LEMD3: variants seen among roughly 807,000 people sequenced by gnomAD.
LEMD3 encodes inner nuclear membrane protein Man1.
Under a neutral mutation model 95.2 loss-of-function variants are expected in LEMD3, and 33 were observed. The ratio of observed to expected loss-of-function variants is 0.35; its 90% CI spans 0.26 to 0.46. The LOEUF (loss-of-function observed/expected upper bound fraction) is 0.46, where lower values mean the gene tolerates loss of function less well. LEMD3 is among the 20% of genes least tolerant of loss of function. The pLI is 1.00. For missense variants in LEMD3, 1,210 were observed against 1,192.8 expected, an observed-to-expected ratio of 1.01 and a Z score of -0.21; for synonymous variants, 525 against 474.6, an observed-to-expected ratio of 1.11 and a Z score of -1.38.
chr12:65,240,772 G>A, intron 8 of LEMD3, 137 bp from the exon 9 acceptor site: 1 of 723,504 alleles, frequency 1.4e-6, no homozygotes. Context: ...TGAGATATAG[G>A]CATCTAAATC....
At chr12:65,208,087 A>C (rs967107218) in intron 1 of LEMD3, among the ~76,000 whole-genome samples, 1 of 152,044 alleles carries the variant, frequency 6.6e-6, no homozygotes. Context: ...ACATTTAAGG[A>C]ATTTGATTTT....
chr12:65,231,105 T>C (rs1385986256), intron 4 of LEMD3, among the ~76,000 whole-genome samples: 1 of 152,226 alleles, frequency 6.6e-6, no homozygotes. Flanking sequence ...ATTAATTTAA[T>C]TTCATTCTTA....
In LEMD3 at chr12:65,238,694, G is replaced by T. The variant is rs1565799131; in HGVS notation, c.1801G>T (p.Glu601Ter). The T allele has an allele frequency of 6.2e-7, 1 of 1,614,036 alleles. No homozygotes were observed. Among genetic ancestry groups the T allele is most frequent in the South Asian group, 1.1e-5 (1 of 91,084 alleles). The change falls in exon 6 of 13, where the codon GAA (glutamate) becomes TAA (stop). Residue 601 changes from glutamate to a stop codon, truncating the protein, a stop_gained. Transcript: ENST00000308330. LOFTEE classifies it high-confidence loss of function. The stretch of plus-strand genomic sequence containing the variant: ...GTGTGTTGGTTTTGGCCCTGAGGAA[G>T]AATTGACAAATATAACTGATGTGCA... ...IRCVGFGPEE[E>*]LTNITDVQFL...
chr12:65,199,474 A>G (rs1869528684), intron 1 of LEMD3, among the ~76,000 whole-genome samples: 2 of 152,146 alleles, frequency 1.3e-5, no homozygotes, highest in African/African-American at 2.4e-5. Context: ...ATTTCTAGAC[A>G]CAAGATCTTA....
rs1323759912 is a variant in LEMD3, at chr12:65,248,083, A to G, written c.*1758A>G. The stretch of plus-strand genomic sequence containing the variant: ...CATTTTAAAAGGTCGCCTTTGATGC[A>G]GATGCATCTTTTTCTTGCTTCTAAA... On this transcript the variant is annotated 3_prime_UTR_variant, in exon 13 of 13. Transcript: ENST00000308330. The G allele has an allele frequency of 6.6e-6, 1 of 152,536 alleles. No homozygotes were observed. The highest frequency in any genetic ancestry group is 1.5e-5 in the Non-Finnish European group (1 of 67,992). 9.4% of individuals were successfully genotyped at this position (152,536 alleles called of 1,614,324 possible).
Position 65,170,461 on chromosome 12 carries a change from A to G in LEMD3, c.865A>G (p.Thr289Ala), listed in dbSNP as rs774384614. Residue 289 changes from threonine to alanine, a missense_variant, in exon 1 of 13, where the codon ACC becomes GCC. Physicochemically the swap from Thr to Ala is moderately conservative, Grantham distance 58. Around this residue, in one of 2 missense-constraint regions of LEMD3, gnomAD observed 749 missense variants for 622.9 expected, o/e 1.20. Coordinates refer to ENST00000308330, the MANE Select transcript of LEMD3 (RefSeq NM_014319.5). ...DSLSRHRPRR[T>A]HSKPLPPLTA... ...CCTTTCCCGGCATCGGCCCAGACGA[A>G]CCCATAGTAAGCCTCTCCCCCCGCT... 7 of 1,613,650 alleles carry G rather than the reference A, an allele frequency of 4.3e-6. No individual in the cohort carries two copies. In the South Asian group the frequency reaches 7.7e-5, roughly 18 times the overall value.
intron 4 of LEMD3, among the ~76,000 whole-genome samples, chr12:65,234,917 T>G (rs1037256714): frequency 1.3e-5 from 2 of 152,132 alleles, no homozygotes; most frequent in Non-Finnish European, 2.9e-5. Flanking sequence ...GAGTTTGTTT[T>G]TATGTTATCT....
chr12:65,223,292 T>C lies in LEMD3; in HGVS notation c.1695+4673T>C, dbSNP rs1013900708. On this transcript the variant is annotated intron_variant, in intron 4 of 12. Coordinates refer to ENST00000308330, the MANE Select transcript of LEMD3 (RefSeq NM_014319.5). ...ATAATAAATATCCTTCCTTGTCTCA[T>C]GTGATGATTTTTTTTTTTTTTTTTT... Among the ~76,000 whole-genome samples, 15 of 150,524 alleles carry C rather than the reference T, an allele frequency of 1.0e-4. 1 individual carries two copies. Among genetic ancestry groups the C allele is most frequent in the Admixed American group, 4.6e-4 (7 of 15,064 alleles).
intron 4 of LEMD3, among the ~76,000 whole-genome samples, chr12:65,237,700 G>A (rs1243787569): frequency 6.6e-6 from 1 of 152,122 alleles, no homozygotes; most frequent in African/African-American, 2.4e-5. Flanking sequence ...CATTGGAAAG[G>A]TCTTCAAGTA....
intron 4 of LEMD3, among the ~76,000 whole-genome samples, chr12:65,235,770 ATGT>A (rs1293783060): frequency 1.3e-5 from 2 of 152,174 alleles, no homozygotes; most frequent in East Asian, 1.9e-4. Context: ...TATAAATTAA[ATGT>A]TGTAGTTTTA....
At chr12:65,230,199 A>G (rs1013671585) in intron 4 of LEMD3, among the ~76,000 whole-genome samples, 1 of 152,126 alleles carries the variant, frequency 6.6e-6, no homozygotes, top group Admixed American at 6.5e-5. Flanking sequence ...TGTTTTGGTT[A>G]CTATAGCTTT....
chr12:65,203,256 C>A (rs575639002), intron 1 of LEMD3, among the ~76,000 whole-genome samples: 3 of 148,136 alleles, frequency 2.0e-5, no homozygotes, highest in Admixed American at 7.0e-5. Flanking sequence ...ATGAATAACT[C>A]CCACATGCTT....
intron 4 of LEMD3, among the ~76,000 whole-genome samples, chr12:65,226,777 C>T (rs377473717): frequency 6.6e-6 from 1 of 152,160 alleles, no homozygotes; most frequent in African/African-American, 2.4e-5. Flanking sequence ...GCCGTTAATA[C>T]CTGTCAAAGT....
chr12:65,242,091 T>C (rs1870955243), intron 9 of LEMD3, among the ~76,000 whole-genome samples: 1 of 152,228 alleles, frequency 6.6e-6, no homozygotes, highest in African/African-American at 2.4e-5. Flanking sequence ...AAATGATGCA[T>C]GCATTTCAGT....
chr12:65,203,772 T>G (rs528950236), intron 1 of LEMD3, among the ~76,000 whole-genome samples: 14 of 152,352 alleles, frequency 9.2e-5, no homozygotes, highest in African/African-American at 3.4e-4. Context: ...TTTTTTCCTT[T>G]TATTTCTATC....
intron 4 of LEMD3, 36 bp downstream of exon 4, chr12:65,218,655 T>G: frequency 8.3e-7 from 1 of 1,201,178 alleles, no homozygotes; most frequent in Admixed American, 1.8e-5. Context: ...TAGCTATATT[T>G]TAAAAAATTA....
At chr12:65,239,567 G>T (rs12297616) in intron 6 of LEMD3, among the ~76,000 whole-genome samples, 4,627 of 151,932 alleles carry the variant, frequency 0.03, 237 homozygotes, top group African/African-American at 0.11. Flanking sequence ...AACAACAAAA[G>T]AAAAATTCAT....
At chr12:65,197,738 C>T (rs533542913) in intron 1 of LEMD3, among the ~76,000 whole-genome samples, 2 of 152,146 alleles carry the variant, frequency 1.3e-5, no homozygotes, top group South Asian at 4.1e-4. Flanking sequence ...TTGTTCTGGT[C>T]ATTCTTCCAC....
At chr12:65,233,154 G>C (rs1870679199) in intron 4 of LEMD3, among the ~76,000 whole-genome samples, 1 of 152,110 alleles carries the variant, frequency 6.6e-6, no homozygotes, top group Admixed American at 6.6e-5. Context: ...CCATAGAGGG[G>C]CTAATAACTA....
Sources: allele counts gnomAD v4.1 joint callset (sites outside exome capture counted in the v4.1 genomes callset), GRCh38; gene constraint gnomAD v4.1.1; regional missense constraint gnomAD v4.1.1; transcripts MANE v1.5; gene names NCBI Gene and HGNC (gene_info 2026-07-23, HGNC 2026-07-21).